The following CTNNA3 variants were observed in gnomAD, a reference collection of about 807,000 sequenced individuals.
CTNNA3 encodes catenin alpha 3.
In CTNNA3, 76 loss-of-function variants were observed where a neutral mutation model predicts 95.7. That is an observed-to-expected ratio of 0.79 (90% CI 0.66 to 0.96). CTNNA3 has a LOEUF of 0.96. CTNNA3 is among the 40% of genes least tolerant of loss of function. The pLI, the probability that CTNNA3 is intolerant of heterozygous loss-of-function variation, is 0.00. For missense variants in CTNNA3, 1,191 were observed against 1,089.8 expected (o/e 1.09, Z -1.31); for synonymous variants, 431 against 374.4 (o/e 1.15, Z -1.74).
At chr10:67,555,418 C>CTT (rs1841203842) in intron 3 of CTNNA3, among the ~76,000 whole-genome samples, 1 of 152,146 alleles carries the variant, frequency 6.6e-6, no homozygotes, top group African/African-American at 2.4e-5. Context: ...TTTGAGTCCT[C>CTT]TTTTATTTCG....
chr10:66,445,336 C>G (rs543832596), intron 11 of CTNNA3, among the ~76,000 whole-genome samples: 11 of 152,038 alleles, frequency 7.2e-5, no homozygotes, highest in Non-Finnish European at 2.9e-5. Flanking sequence ...TAGACATCTA[C>G]AGAACTCTCC....
chr10:66,116,712 C>G (rs887126998), intron 13 of CTNNA3, among the ~76,000 whole-genome samples: 1 of 152,050 alleles, frequency 6.6e-6, no homozygotes, highest in African/African-American at 2.4e-5. Context: ...GATGTTTAAT[C>G]GACTCACAAT....
At chr10:66,686,260 C>T (rs1847292755) in intron 9 of CTNNA3, among the ~76,000 whole-genome samples, 1 of 151,670 alleles carries the variant, frequency 6.6e-6, no homozygotes, top group South Asian at 2.1e-4. Context: ...TCCAAGAATA[C>T]TCTTCAGCAG....
chr10:66,968,378 A>C (rs1019301133), intron 7 of CTNNA3, among the ~76,000 whole-genome samples: 3 of 150,046 alleles, frequency 2.0e-5, no homozygotes, highest in Non-Finnish European at 4.4e-5. Context: ...TCGAAAAAAG[A>C]TATACATACA....
chr10:67,730,341 A>C (rs961821821), intron 1 of CTNNA3, among the ~76,000 whole-genome samples: 4 of 151,982 alleles, frequency 2.6e-5, no homozygotes, highest in Admixed American at 6.6e-5. Flanking sequence ...AAGAATGTTA[A>C]GATTTGTGGT....
At position 66,103,166 on chromosome 10, in the gene CTNNA3, T is replaced by G. The variant is rs200764970; in HGVS notation, c.1968A>C (p.Lys656Asn). The G allele has an allele frequency of 6.2e-7, 1 of 1,613,714 alleles. No homozygotes were observed. The highest frequency in any genetic ancestry group is 2.2e-5 in the East Asian group (1 of 44,868). ...AGTTGAAGTGACATACCCTATCAGT[T>G]TTCCCTTCGGTCTGAATGCTGGTGT... ...RSHTSIQTEGKTDRAKMTQLP... is the reference protein window; with the variant it reads ...RSHTSIQTEGNTDRAKMTQLP... The change falls in exon 14 of 18, where the codon AAA (lysine) becomes AAC (asparagine). Residue 656 changes from lysine to asparagine, a missense_variant. Lys to Asn is a moderately conservative substitution (Grantham distance 94). Transcript: ENST00000433211.
At chr10:66,763,646 C>G (rs566790490) in intron 9 of CTNNA3, among the ~76,000 whole-genome samples, 196 of 152,296 alleles carry the variant, frequency 1.3e-3, no homozygotes, top group Middle Eastern at 3.4e-3. Context: ...GCTCCCTTTT[C>G]CTGTGTCTGG....
chr10:67,514,595 C>T (rs969353497), intron 5 of CTNNA3, among the ~76,000 whole-genome samples: 1 of 151,944 alleles, frequency 6.6e-6, no homozygotes, highest in African/African-American at 2.4e-5. Context: ...CTTTTATTGA[C>T]AACCTTATGG....
chr10:66,839,196 G>A (rs1271240498), intron 7 of CTNNA3, among the ~76,000 whole-genome samples: 1 of 152,160 alleles, frequency 6.6e-6, no homozygotes, highest in Non-Finnish European at 1.5e-5. Context: ...GCTTTTTAGA[G>A]CTGAGCCTTT....
chr10:67,215,838 A>T (rs537279484), intron 6 of CTNNA3, among the ~76,000 whole-genome samples: 4 of 152,148 alleles, frequency 2.6e-5, no homozygotes, highest in Admixed American at 6.6e-5. Context: ...TTCAGTTCAC[A>T]GTCTTTCAAG....
chr10:66,988,746 G>T (rs749041402), intron 7 of CTNNA3, among the ~76,000 whole-genome samples: 1 of 152,068 alleles, frequency 6.6e-6, no homozygotes, highest in African/African-American at 2.4e-5. Flanking sequence ...CCACAGCTAA[G>T]AAGAAAGGAG....
chr10:67,543,223 A>G (rs1398898605), intron 3 of CTNNA3, among the ~76,000 whole-genome samples: 1 of 152,012 alleles, frequency 6.6e-6, no homozygotes, highest in African/African-American at 2.4e-5. Flanking sequence ...TGAAATGCCT[A>G]GGTACTAGAG....
chr10:67,370,869 G>GT (rs58583527), intron 5 of CTNNA3, among the ~76,000 whole-genome samples: 10,450 of 136,178 alleles, frequency 0.077, 697 homozygotes, highest in African/African-American at 0.17. Flanking sequence ...AGTTTTTTTT[G>GT]TTTTTTTTTT....
chr10:66,075,869 T>G (rs1357405071), intron 14 of CTNNA3, among the ~76,000 whole-genome samples: 2 of 151,722 alleles, frequency 1.3e-5, no homozygotes, highest in Non-Finnish European at 3.0e-5. Flanking sequence ...AACTATAACT[T>G]TTTTTCATGG....
intron 14 of CTNNA3, chr10:66,079,385 GA>G (rs2080657175): frequency 6.6e-6 from 1 of 151,868 alleles, no homozygotes; most frequent in African/African-American, 2.4e-5. Context: ...CTTATTATAT[GA>G]ATTTTATAAT....
At chr10:66,830,538 A>G (rs948880484) in intron 7 of CTNNA3, among the ~76,000 whole-genome samples, 1 of 152,164 alleles carries the variant, frequency 6.6e-6, no homozygotes, top group African/African-American at 2.4e-5. Context: ...CTTCTTCAGC[A>G]TAAACCAATG....
chr10:67,133,670 C>T (rs1336895473), intron 7 of CTNNA3, among the ~76,000 whole-genome samples: 1 of 151,870 alleles, frequency 6.6e-6, no homozygotes, highest in South Asian at 2.1e-4. Context: ...AGAGTAAATG[C>T]AGCAGATCAA....
chr10:67,008,276 A>G (rs1267422785), intron 7 of CTNNA3, among the ~76,000 whole-genome samples: 1 of 151,990 alleles, frequency 6.6e-6, no homozygotes, highest in Admixed American at 6.6e-5. Flanking sequence ...TTGATATTAT[A>G]TTTTTCATTG....
intron 3 of CTNNA3, among the ~76,000 whole-genome samples, chr10:67,562,419 C>T (rs1242351068): frequency 1.3e-5 from 2 of 152,108 alleles, no homozygotes; most frequent in Non-Finnish European, 2.9e-5. Context: ...GCAGAAAAGG[C>T]CTTTCACAAA....
Sources: gnomAD v4.1 joint callset for allele counts (sites outside exome capture counted in the v4.1 genomes callset) on GRCh38, gnomAD v4.1.1 for gene constraint, MANE v1.5 for transcripts, NCBI Gene and HGNC (gene_info 2026-07-23, HGNC 2026-07-21) for gene names.